INSC: variants seen among roughly 807,000 people sequenced by gnomAD.
INSC encodes the protein INSC spindle orientation adaptor protein.
Under a neutral mutation model 58.6 loss-of-function variants are expected in INSC, and 67 were observed. The ratio of observed to expected loss-of-function variants is 1.14; its 90% CI spans 0.94 to 1.40. The LOEUF is 1.40. Among genes scored for constraint, INSC ranks in the 40% most tolerant of loss-of-function variants. INSC has a pLI of 0.00. For synonymous variants in INSC, 262 were observed against 276.1 expected, an observed-to-expected ratio of 0.95 and a Z score of 0.51; for missense variants, 714 against 692.0, an observed-to-expected ratio of 1.03 and a Z score of -0.36.
chr11:15,116,852 TCTCTCTC>T (rs1847720552), intron 1 of INSC, among the ~76,000 whole-genome samples: 1 of 53,552 alleles, frequency 1.9e-5, no homozygotes, highest in Non-Finnish European at 3.6e-5. Context: ...TTTCTTTCTC[TCTCTCTC>T]TCTCTCTCTC....
intron 6 of INSC, 23 bp from the exon 7 acceptor site, chr11:15,200,801 G>A (rs745686952): frequency 2.5e-6 from 4 of 1,613,956 alleles, no homozygotes; most frequent in African/African-American, 1.3e-5. Context: ...GTAAGATGAT[G>A]TGACATTTCT....
intron 9 of INSC, among the ~76,000 whole-genome samples, chr11:15,230,744 A>G (rs1007052987): frequency 1.2e-4 from 18 of 152,328 alleles, no homozygotes; most frequent in African/African-American, 3.6e-4. Context: ...TTTACAGCCC[A>G]ACATTCATGT....
At chr11:15,254,478 A>G in the INSC span, among the ~76,000 whole-genome samples, 1,716 of 152,318 alleles carry the variant, frequency 0.011, 39 homozygotes, top group African/African-American at 0.038. Context: ...TTAAAACTGT[A>G]GACTGTTGTG....
rs540282670 is a variant in INSC at position 15,140,695 on chromosome 11, C to T, written c.-45-8435C>T. On this transcript the variant is annotated intron_variant, in intron 1 of 12. Transcript: ENST00000379556. Reference sequence around the variant, plus strand: ...CTGGGTTCAGGCAGTCCCCCCACCTCAGCCTCCCCTGTAGCTGGGACTACA... The same window carrying T: ...CTGGGTTCAGGCAGTCCCCCCACCTTAGCCTCCCCTGTAGCTGGGACTACA... Among the ~76,000 whole-genome samples the T allele has an allele frequency of 7.9e-5, 12 of 152,008 alleles. No homozygotes were observed. The South Asian group carries it at 1.7e-3, about 21-fold the overall frequency.
chr11:15,118,924 G>C (rs1039949382), intron 1 of INSC, among the ~76,000 whole-genome samples: 4 of 152,134 alleles, frequency 2.6e-5, no homozygotes, highest in African/African-American at 9.7e-5. Context: ...CTATGAAATA[G>C]TGAAGACTAT....
chr11:15,155,140 C>A (rs1367935764), intron 2 of INSC, among the ~76,000 whole-genome samples: 2 of 152,128 alleles, frequency 1.3e-5, no homozygotes, highest in African/African-American at 4.8e-5. Flanking sequence ...AAAATTTGAG[C>A]CAGTCATTTT....
chr11:15,165,919 C>T (rs1849180575), intron 2 of INSC, among the ~76,000 whole-genome samples: 1 of 152,112 alleles, frequency 6.6e-6, no homozygotes, highest in Non-Finnish European at 1.5e-5. Flanking sequence ...CTCTTAGATG[C>T]ACTTGAGCGA....
chr11:15,268,866 T>C, the INSC span, among the ~76,000 whole-genome samples: 13 of 152,132 alleles, frequency 8.5e-5, no homozygotes, highest in Non-Finnish European at 1.5e-4. Context: ...ATGGATACTA[T>C]AGCAGTTTTT....
chr11:15,127,824 G>A (rs1049733616), intron 1 of INSC, among the ~76,000 whole-genome samples: 3 of 152,132 alleles, frequency 2.0e-5, no homozygotes, highest in African/African-American at 7.2e-5. Flanking sequence ...GCAAAACCCT[G>A]TCTCTACTAG....
At chr11:15,221,202 A>C (rs548611657) in intron 7 of INSC, among the ~76,000 whole-genome samples, 1 of 151,704 alleles carries the variant, frequency 6.6e-6, no homozygotes, top group Non-Finnish European at 1.5e-5. Flanking sequence ...TCCTGACTCT[A>C]GACACTTGAC....
chr11:15,146,625 C>G (rs748192010), intron 1 of INSC, among the ~76,000 whole-genome samples: 6 of 152,202 alleles, frequency 3.9e-5, no homozygotes, highest in Non-Finnish European at 5.9e-5. Flanking sequence ...GTTTCCTCAG[C>G]TAACAGCCCA....
intron 12 of INSC, among the ~76,000 whole-genome samples, chr11:15,242,417 C>T (rs183830924): frequency 1.3e-4 from 20 of 152,284 alleles, no homozygotes; most frequent in African/African-American, 3.4e-4. Context: ...ATCCATTCTC[C>T]GTGTGGCTTC....
At chr11:15,240,947 G>A (rs1241177014) in intron 12 of INSC, among the ~76,000 whole-genome samples, 3 of 152,140 alleles carry the variant, frequency 2.0e-5, no homozygotes, top group Non-Finnish European at 4.4e-5. Flanking sequence ...CCCATCTGCT[G>A]GTGCTCTTCC....
At chr11:15,209,951 C>T (rs1850955356) in intron 7 of INSC, among the ~76,000 whole-genome samples, 1 of 152,168 alleles carries the variant, frequency 6.6e-6, no homozygotes, top group African/African-American at 2.4e-5. Context: ...TTGCCCTGAG[C>T]CCCTGTTTGC....
rs539095887 is a variant in INSC, at chr11:15,225,069, G to A, written c.992-581G>A. On this transcript the variant is annotated intron_variant, in intron 8 of 12. Transcript: ENST00000379556. The stretch of plus-strand genomic sequence containing the variant: ...CACACATGGACTGAGAGCTCCTTCC[G>A]GACTCACAGGCTTTGTATCTCCTTT... Among the ~76,000 whole-genome samples, 12 of 152,214 alleles carry A rather than the reference G, an allele frequency of 7.9e-5. No homozygotes were observed. The South Asian group carries it at 1.9e-3, about 24-fold the overall frequency.
chr11:15,173,187 A>G (rs1849460079), intron 2 of INSC, among the ~76,000 whole-genome samples: 1 of 152,204 alleles, frequency 6.6e-6, no homozygotes, highest in Non-Finnish European at 1.5e-5. Context: ...CAAACATTGG[A>G]AAGAGTGTTT....
At position 15,202,791 on chromosome 11, in the gene INSC, C is replaced by G. The variant is rs996598687; in HGVS notation, c.819+1842C>G. Among the ~76,000 whole-genome samples the G allele has an allele frequency of 3.9e-5, 6 of 152,180 alleles. No individual in the cohort carries two copies. In the East Asian group the frequency reaches 1.2e-3, roughly 29 times the overall value. On this transcript the variant is annotated intron_variant, in intron 7 of 12. Transcript: ENST00000379556. ...AGGGAAGAAAAACAACAGGGCTTTT[C>G]GTTTGTTTGTTTAGAGTTGAAAACC...
At chr11:15,153,246 C>T (rs1346419525) in intron 2 of INSC, among the ~76,000 whole-genome samples, 2 of 152,200 alleles carry the variant, frequency 1.3e-5, no homozygotes, top group Non-Finnish European at 1.5e-5. Flanking sequence ...TCATCTGTGA[C>T]TTCTCCCTGT....
intron 12 of INSC, among the ~76,000 whole-genome samples, chr11:15,243,312 G>T (rs530755726): frequency 6.6e-6 from 1 of 152,182 alleles, no homozygotes; most frequent in Non-Finnish European, 1.5e-5. Flanking sequence ...GCTCCCTTCA[G>T]GTAGAGGGAG....
Sources: gnomAD v4.1 joint callset for allele counts (sites outside exome capture counted in the v4.1 genomes callset) on GRCh38, gnomAD v4.1.1 for gene constraint, MANE v1.5 for transcripts, NCBI Gene and HGNC (gene_info 2026-07-23, HGNC 2026-07-21) for gene names.